The following RASEF variants were observed in gnomAD, a reference collection of about 807,000 sequenced individuals.
The protein encoded by RASEF is RAS and EF-hand domain containing, also known as ras and EF-hand domain-containing protein.
Under a neutral mutation model 90.1 loss-of-function variants are expected in RASEF, and 68 were observed. That is an observed-to-expected ratio of 0.75 (90% CI 0.62 to 0.92). RASEF has a LOEUF of 0.92. Among genes scored for constraint, RASEF ranks in the 40% least tolerant of loss-of-function variants. The pLI is 0.00. For synonymous variants in RASEF, 331 were observed against 345.2 expected, an observed-to-expected ratio of 0.96 and a Z score of 0.46; for missense variants, 949 against 937.2, an observed-to-expected ratio of 1.01 and a Z score of -0.16.
intron 14 of RASEF, among the ~76,000 whole-genome samples, chr9:82,994,960 T>C (rs1025465811): frequency 5.3e-5 from 8 of 152,236 alleles, no homozygotes; most frequent in Admixed American, 3.3e-4. Context: ...AAACTGTCCC[T>C]GTAGGAGTTC....
At chr9:83,025,985 CT>C in intron 1 of RASEF, 64 bp from the exon 2 acceptor site, 2 of 1,199,446 alleles carry the variant, frequency 1.7e-6, no homozygotes, top group Non-Finnish European at 2.3e-6. Context: ...CTGCAGGGGG[CT>C]TTTAAGAAAG....
the RASEF span, among the ~76,000 whole-genome samples, chr9:83,134,788 G>T: frequency 6.6e-6 from 1 of 150,506 alleles, no homozygotes; most frequent in African/African-American, 2.5e-5. Flanking sequence ...ATAAACACAT[G>T]TCTACACAAA....
intron 1 of RASEF, among the ~76,000 whole-genome samples, chr9:83,042,990 G>A (rs979015071): frequency 6.6e-6 from 1 of 152,098 alleles, no homozygotes; most frequent in Non-Finnish European, 1.5e-5. Flanking sequence ...CAAATCCCTG[G>A]GGATATCATT....
chr9:82,997,719 T>A (rs1828947731), intron 13 of RASEF, among the ~76,000 whole-genome samples: 1 of 152,182 alleles, frequency 6.6e-6, no homozygotes, highest in African/African-American at 2.4e-5. Context: ...ATATTTTTTA[T>A]ATGTTGAAAT....
At chr9:83,120,924 A>G in the RASEF span, among the ~76,000 whole-genome samples, 2 of 152,154 alleles carry the variant, frequency 1.3e-5, no homozygotes, top group African/African-American at 4.8e-5. Context: ...GATTCCATTT[A>G]TGCACCTCTA....
chr9:83,046,593 T>C (rs1829934545), intron 1 of RASEF, among the ~76,000 whole-genome samples: 1 of 152,204 alleles, frequency 6.6e-6, no homozygotes, highest in Non-Finnish European at 1.5e-5. Context: ...TAACACTAGT[T>C]TACAGCATTC....
chr9:83,020,711 A>G (rs1053615973), intron 3 of RASEF, among the ~76,000 whole-genome samples: 3 of 152,198 alleles, frequency 2.0e-5, no homozygotes, highest in Non-Finnish European at 4.4e-5. Context: ...TGAAATTCTA[A>G]AAGGTGGGGG....
At chr9:83,218,068 C>T in the RASEF span, among the ~76,000 whole-genome samples, 1 of 152,070 alleles carries the variant, frequency 6.6e-6, no homozygotes, top group African/African-American at 2.4e-5. Context: ...TGTGGAACTA[C>T]AGTGACAGGG....
the RASEF span, among the ~76,000 whole-genome samples, chr9:83,178,049 A>G: frequency 6.6e-6 from 1 of 152,126 alleles, no homozygotes; most frequent in African/African-American, 2.4e-5. Context: ...ATAATTTCTA[A>G]AGACTTTAAA....
the RASEF span, among the ~76,000 whole-genome samples, chr9:83,205,925 T>G: frequency 3.5e-4 from 53 of 152,358 alleles, no homozygotes; most frequent in African/African-American, 1.2e-3. Context: ...GAATATCATT[T>G]TGGGGGCAGT....
At chr9:83,075,657 G>A in the RASEF span, among the ~76,000 whole-genome samples, 1 of 152,030 alleles carries the variant, frequency 6.6e-6, no homozygotes, top group Non-Finnish European at 1.5e-5. Context: ...TAGCTCTAGG[G>A]GATGTAATAA....
chr9:83,018,884 G>C (rs1309825653), intron 3 of RASEF, among the ~76,000 whole-genome samples: 1 of 152,108 alleles, frequency 6.6e-6, no homozygotes, highest in Admixed American at 6.5e-5. Flanking sequence ...ACTGATTTTG[G>C]ATAAAGTGCA....
intron 8 of RASEF, 36 bp downstream of exon 8, chr9:83,005,380 A>C: frequency 6.9e-7 from 1 of 1,459,768 alleles, no homozygotes. Context: ...CCACCACTAG[A>C]AAGAATGAAA....
the RASEF span, among the ~76,000 whole-genome samples, chr9:83,151,414 C>A: frequency 6.6e-6 from 1 of 152,040 alleles, no homozygotes; most frequent in Non-Finnish European, 1.5e-5. Flanking sequence ...CTGTGTTAGC[C>A]CCCAGCTTTC....
At chr9:83,126,149 T>G in the RASEF span, among the ~76,000 whole-genome samples, 1 of 152,172 alleles carries the variant, frequency 6.6e-6, no homozygotes, top group Non-Finnish European at 1.5e-5. Flanking sequence ...TAAAAGTTTC[T>G]GTACCCCAAA....
At chr9:83,006,860 G>A (rs998869419) in intron 7 of RASEF, among the ~76,000 whole-genome samples, 4 of 152,116 alleles carry the variant, frequency 2.6e-5, no homozygotes, top group Admixed American at 2.6e-4. Context: ...TTGGGAGGCC[G>A]AGGCGGGAGG....
At position 82,990,201 on chromosome 9, in the gene RASEF, A is replaced by G. The variant is rs1828787041; in HGVS notation, c.2117+190T>C. The stretch of plus-strand genomic sequence containing the variant: ...AGATGCACCTCTTTTGTTTGGTAGT[A>G]AAGATATTTTGCCAGTGTTGACAGC... On this transcript the variant is annotated intron_variant, in intron 16 of 16. Coordinates refer to ENST00000376447, the MANE Select transcript of RASEF (RefSeq NM_152573.4). Among the ~76,000 whole-genome samples, 8 of 152,298 alleles carry G rather than the reference A, an allele frequency of 5.3e-5. No homozygotes were observed. The South Asian group carries it at 1.7e-3, about 32-fold the overall frequency.
intron 1 of RASEF, among the ~76,000 whole-genome samples, chr9:83,057,460 G>A (rs964194503): frequency 1.3e-5 from 2 of 152,172 alleles, no homozygotes; most frequent in Non-Finnish European, 2.9e-5. Flanking sequence ...ACATAATTGT[G>A]ACAGAGGACA....
chr9:83,149,009 G>A, the RASEF span, among the ~76,000 whole-genome samples: 43 of 152,320 alleles, frequency 2.8e-4, no homozygotes, highest in Non-Finnish European at 4.9e-4. Context: ...GTGAGAGAGC[G>A]GGGCTGATGA....
Sources: gnomAD v4.1 joint callset for allele counts (sites outside exome capture counted in the v4.1 genomes callset) on GRCh38, gnomAD v4.1.1 for gene constraint, MANE v1.5 for transcripts, NCBI Gene and HGNC (gene_info 2026-07-23, HGNC 2026-07-21) for gene names.